Variants in ELL observed in about 807,000 individuals in gnomAD.
The protein encoded by ELL is elongation factor for RNA polymerase II.
Under a neutral mutation model 64.0 loss-of-function variants are expected in ELL, and 18 were observed. That is an observed-to-expected ratio of 0.28 (90% CI 0.19 to 0.42). The LOEUF is 0.42. Among genes scored for constraint, ELL ranks in the 10% least tolerant of loss-of-function variants. ELL has a pLI of 1.00. For missense variants in ELL, 797 were observed against 870.4 expected (o/e 0.92, Z 1.06); for synonymous variants, 399 against 376.2 (o/e 1.06, Z -0.70).
At chr19:18,467,631 C>CA (rs1974967970) in intron 2 of ELL, among the ~76,000 whole-genome samples, 2 of 66,968 alleles carry the variant, frequency 3.0e-5, no homozygotes. Flanking sequence ...CACCACACAA[C>CA]CACACACACA....
intron 1 of ELL, among the ~76,000 whole-genome samples, chr19:18,516,632 G>A (rs1461320992): frequency 1.3e-5 from 2 of 152,036 alleles, no homozygotes; most frequent in Non-Finnish European, 2.9e-5. Context: ...GTCTCCCACC[G>A]GCTCTGTACG....
At chr19:18,459,678 C>G (rs1438863739) in intron 5 of ELL, among the ~76,000 whole-genome samples, 1 of 151,468 alleles carries the variant, frequency 6.6e-6, no homozygotes, top group Non-Finnish European at 1.5e-5. Context: ...CGCCACCACG[C>G]CCGGCTAATT....
intron 10 of ELL, chr19:18,445,500 T>TGGAGGCAATAGCAG (rs1209712564): frequency 1.1e-4 from 15 of 140,428 alleles, no homozygotes; most frequent in Non-Finnish European, 1.7e-4. Flanking sequence ...GCACTGCTGT[T>TGGAGGCAATAGCAG]GTGGGGGCGT....
intron 1 of ELL, among the ~76,000 whole-genome samples, chr19:18,482,297 T>C (rs1247403431): frequency 1.4e-5 from 2 of 147,626 alleles, no homozygotes; most frequent in African/African-American, 5.1e-5. Flanking sequence ...CCATGGCTTG[T>C]CTTTTCATTC....
chr19:18,496,009 T>G (rs1256262556), intron 1 of ELL, among the ~76,000 whole-genome samples: 1 of 152,160 alleles, frequency 6.6e-6, no homozygotes, highest in Non-Finnish European at 1.5e-5. Flanking sequence ...TTGGAGGTGA[T>G]GTGGGAGGTT....
rs11319408 is a variant in ELL at position 18,442,875 on chromosome 19, GA to G, written c.*1876del. 0.43 allele frequency: 94,929 copies of G among 221,108 alleles called. 23,485 individuals are homozygous for G. Among genetic ancestry groups the G allele is most frequent in the African/African-American group, 0.75 (33,536 of 44,546 alleles). 13.7% of individuals were successfully genotyped at this position (221,108 alleles called of 1,614,324 possible). On this transcript the variant is annotated 3_prime_UTR_variant, in exon 12 of 12. Transcript: ENST00000262809. ...TTTTCTCCACAGTACAACATTAAAAGAAAAAAAAATAGTATCAATAAGTTAG... is the reference window on the plus strand; with the variant it reads ...TTTTCTCCACAGTACAACATTAAAAGAAAAAAAATAGTATCAATAAGTTAG...
At chr19:18,472,131 T>C (rs913913999) in intron 2 of ELL, among the ~76,000 whole-genome samples, 1 of 151,826 alleles carries the variant, frequency 6.6e-6, no homozygotes, top group Admixed American at 6.6e-5. Flanking sequence ...CCCAGCTAAT[T>C]TTGTATTTTT....
rs573114052 is a variant in ELL, at chr19:18,454,797, C to A, written c.870-3149G>T. 1.8e-4 allele frequency among the ~76,000 whole-genome samples: 25 copies of A among 141,108 alleles called. 1 individual carries two copies. The South Asian group carries it at 5.4e-3, about 30-fold the overall frequency. 92.6% of individuals were successfully genotyped at this position (141,108 alleles called of 152,430 possible). Reference sequence around the variant, plus strand: ...CAGATGTTGCAGTGAGCAGAGATTGCGCCACTGCACTCCAGCCTGGGCAAC... The same window carrying A: ...CAGATGTTGCAGTGAGCAGAGATTGAGCCACTGCACTCCAGCCTGGGCAAC... On this transcript the variant is annotated intron_variant, in intron 6 of 11. Transcript: ENST00000262809.
intron 5 of ELL, among the ~76,000 whole-genome samples, chr19:18,460,504 G>C (rs962977762): frequency 6.6e-6 from 1 of 152,218 alleles, no homozygotes; most frequent in Non-Finnish European, 1.5e-5. Context: ...TGACTCCATC[G>C]AGCTCCCTTC....
intron 1 of ELL, among the ~76,000 whole-genome samples, chr19:18,521,685 G>C (rs905225530): frequency 6.6e-6 from 1 of 151,992 alleles, no homozygotes; most frequent in Non-Finnish European, 1.5e-5. Flanking sequence ...GCGCGAGTCT[G>C]GGCCCCTCAG....
At chr19:18,446,272 C>A (rs771142911) in intron 10 of ELL, 37 bp downstream of exon 10, 79 of 1,508,696 alleles carry the variant, frequency 5.2e-5, no homozygotes, top group Non-Finnish European at 6.8e-5. Flanking sequence ...TGGCTCCCGC[C>A]AGAGCCAGGG....
In ELL at chr19:18,449,595, T is replaced by A. The variant is rs867151965; in HGVS notation, c.1465+882A>T. 6.6e-6 allele frequency among the ~76,000 whole-genome samples: 1 copy of A among 152,064 alleles called. No individual in the cohort carries two copies. The highest frequency in any genetic ancestry group is 2.4e-5 in the African/African-American group (1 of 41,406). On this transcript the variant is annotated intron_variant, in intron 8 of 11. Transcript: ENST00000262809. The surrounding 1 kb of genome is among the most constrained non-coding windows in gnomAD (Gnocchi z 4.4). ...AATGAAAGAAGGGCTCCCACCCTCA[T>A]CCCAGGAATCCCCTGACTCAGCCTC...
intron 6 of ELL, among the ~76,000 whole-genome samples, chr19:18,453,026 C>T (rs1974571232): frequency 6.6e-6 from 1 of 152,124 alleles, no homozygotes; most frequent in African/African-American, 2.4e-5. Context: ...AATCCCAGCA[C>T]TTTGGGAGGC....
rs564094022 is a variant in ELL, at chr19:18,518,562, G to A, written c.135+3359C>T. 1.3e-3 allele frequency among the ~76,000 whole-genome samples: 195 copies of A among 151,590 alleles called. 1 individual carries two copies. Among genetic ancestry groups the A allele is most frequent in the Non-Finnish European group, 2.2e-3 (147 of 67,950 alleles). ...CCCAGCACTTTGGGAGGCTGAGGCA[G>A]ATGGATCACTTGAGGGGTCAGGAGT... On this transcript the variant is annotated intron_variant, in intron 1 of 11. Coordinates refer to ENST00000262809, the MANE Select transcript of ELL (RefSeq NM_006532.4).
At chr19:18,511,527 A>G (rs1976022998) in intron 1 of ELL, among the ~76,000 whole-genome samples, 1 of 152,168 alleles carries the variant, frequency 6.6e-6, no homozygotes, top group Non-Finnish European at 1.5e-5. Context: ...GGTGGAAGCA[A>G]CCCAAATGCC....
intron 1 of ELL, among the ~76,000 whole-genome samples, chr19:18,475,174 C>T (rs188017699): frequency 6.6e-6 from 1 of 152,192 alleles, no homozygotes; most frequent in Admixed American, 6.5e-5. Flanking sequence ...GAAAAAGAGA[C>T]CTATAGGGAC....
intron 1 of ELL, among the ~76,000 whole-genome samples, chr19:18,517,930 G>A (rs1386950506): frequency 1.3e-5 from 2 of 148,298 alleles, no homozygotes; most frequent in Non-Finnish European, 3.0e-5. Flanking sequence ...AAAGAAAAGA[G>A]AAAAACTAGG....
At chr19:18,472,904 A>G (rs1349338028) in intron 1 of ELL, 22 bp from the exon 2 acceptor site, 10 of 1,563,330 alleles carry the variant, frequency 6.4e-6, no homozygotes, top group Non-Finnish European at 8.6e-6. Flanking sequence ...AAAAAAAAAA[A>G]AAAAAGGTGA....
intron 1 of ELL, among the ~76,000 whole-genome samples, chr19:18,490,022 C>T (rs1230480168): frequency 2.0e-5 from 3 of 152,204 alleles, no homozygotes; most frequent in Non-Finnish European, 4.4e-5. Context: ...GCCACCTGCA[C>T]GCGGGGCCAG....
Sources: gnomAD v4.1 joint callset for allele counts (sites outside exome capture counted in the v4.1 genomes callset) on GRCh38, gnomAD v4.1.1 for gene constraint, Gnocchi (gnomAD v3.1) non-coding constraint, MANE v1.5 for transcripts, NCBI Gene and HGNC (gene_info 2026-07-23, HGNC 2026-07-21) for gene names.